The following KLF17 variants were observed in gnomAD, a reference collection of about 807,000 sequenced individuals.
The protein encoded by KLF17 is Krueppel-like factor 17.
Under a neutral mutation model 34.2 loss-of-function variants are expected in KLF17, and 31 were observed. That is an observed-to-expected ratio of 0.91 (90% CI 0.68 to 1.22). KLF17 has a LOEUF of 1.22. Ranked by LOEUF, KLF17 falls within the 50% of genes most tolerant of loss-of-function variation. The pLI is 0.00. For synonymous variants in KLF17, 179 were observed against 186.7 expected, an observed-to-expected ratio of 0.96 and a Z score of 0.34; for missense variants, 478 against 505.2, an observed-to-expected ratio of 0.95 and a Z score of 0.52.
chr1:44,059,282 T>C, the KLF17 span, among the ~76,000 whole-genome samples: 10 of 152,198 alleles, frequency 6.6e-5, no homozygotes, highest in Non-Finnish European at 1.0e-4. Flanking sequence ...TTCTTTTCTG[T>C]TGCTTTAGCC....
At chr1:44,131,459 A>G (rs560753484) in intron 3 of KLF17, among the ~76,000 whole-genome samples, 1 of 152,318 alleles carries the variant, frequency 6.6e-6, no homozygotes, top group East Asian at 1.9e-4. Flanking sequence ...CTTAATATCC[A>G]TGTGACCTTG....
chr1:44,080,567 A>G, the KLF17 span, among the ~76,000 whole-genome samples: 17 of 152,130 alleles, frequency 1.1e-4, no homozygotes, highest in Non-Finnish European at 2.4e-4. Flanking sequence ...CGTATTTTAC[A>G]ATAAGTCTTG....
chr1:44,075,008 A>G, the KLF17 span: 190 of 152,042 alleles, frequency 1.2e-3, no homozygotes, highest in African/African-American at 4.3e-3. Flanking sequence ...AGGAATTATC[A>G]AGGTGGGGTG....
the KLF17 span, among the ~76,000 whole-genome samples, chr1:44,080,434 T>G: frequency 5.9e-5 from 9 of 151,544 alleles, no homozygotes; most frequent in African/African-American, 1.9e-4. Flanking sequence ...GAGACGGGGT[T>G]TCACCATGTT....
chr1:44,066,905 C>A, the KLF17 span, among the ~76,000 whole-genome samples: 1 of 152,040 alleles, frequency 6.6e-6, no homozygotes, highest in African/African-American at 2.4e-5. Context: ...AGCAATAAAG[C>A]AAGTCTTGAA....
At chr1:44,122,350 G>A in intron 1 of KLF17, 1 of 1,607,132 alleles carries the variant, frequency 6.2e-7, no homozygotes, top group Non-Finnish European at 8.5e-7. Context: ...AGCGTTTCCA[G>A]CTGTACAGGT....
chr1:44,089,823 C>T, the KLF17 span, among the ~76,000 whole-genome samples: 1 of 152,032 alleles, frequency 6.6e-6, no homozygotes, highest in African/African-American at 2.4e-5. Context: ...TTAGTTCATG[C>T]ATTGTATGAG....
rs151083026 is a variant in KLF17, at chr1:44,122,430, G to C, written c.81+3442G>C. ...CATGCTGACATCCACACCTGTGACTGTTCCATGGACCTGTGTTCTGTTCTT... is the reference window on the plus strand; with the variant it reads ...CATGCTGACATCCACACCTGTGACTCTTCCATGGACCTGTGTTCTGTTCTT... On this transcript the variant is annotated intron_variant, in intron 1 of 3. Coordinates refer to ENST00000372299, the MANE Select transcript of KLF17 (RefSeq NM_173484.4). 8.2e-4 allele frequency: 1,173 copies of C among 1,435,092 alleles called. 9 individuals are homozygous for C. The African/African-American group carries it at 0.013, about 16-fold the overall frequency. 88.9% of individuals were successfully genotyped at this position (1,435,092 alleles called of 1,614,324 possible).
chr1:44,069,505 AG>A, the KLF17 span, among the ~76,000 whole-genome samples: 1 of 141,580 alleles, frequency 7.1e-6, no homozygotes, highest in Non-Finnish European at 1.5e-5. The surrounding 1 kb of genome is among the most constrained non-coding windows in gnomAD (Gnocchi z 4.7). Context: ...AGAGAGAGAG[AG>A]AGAGAGAAGA....
chr1:44,075,816 T>C, the KLF17 span, among the ~76,000 whole-genome samples: 2 of 152,226 alleles, frequency 1.3e-5, no homozygotes, highest in South Asian at 4.1e-4. Context: ...ACCTCTACTT[T>C]TTGTCTACAA....
the KLF17 span, among the ~76,000 whole-genome samples, chr1:44,099,902 AAAGAAAGAAAG>A: frequency 8.0e-4 from 52 of 65,098 alleles, 3 homozygotes; most frequent in African/African-American, 2.5e-3. Context: ...AGAAAGAAAG[AAAGAAAGAAAG>A]AAAGAAAAGA....
chr1:44,049,122 A>C, the KLF17 span, among the ~76,000 whole-genome samples: 1 of 152,154 alleles, frequency 6.6e-6, no homozygotes, highest in Non-Finnish European at 1.5e-5. Flanking sequence ...TGGCTTGTAG[A>C]TGACTGCCTT....
chr1:44,059,131 G>A, the KLF17 span, among the ~76,000 whole-genome samples: 1 of 152,234 alleles, frequency 6.6e-6, no homozygotes, highest in South Asian at 2.1e-4. Flanking sequence ...ACAAAAGGAG[G>A]CCCCTGTGAC....
intron 1 of KLF17, among the ~76,000 whole-genome samples, chr1:44,128,576 C>T (rs1474082435): frequency 6.6e-6 from 1 of 152,164 alleles, no homozygotes; most frequent in Non-Finnish European, 1.5e-5. Context: ...CCACTCAGGG[C>T]AGACGCTGTA....
the KLF17 span, among the ~76,000 whole-genome samples, chr1:44,059,092 G>A: frequency 6.6e-6 from 1 of 152,120 alleles, no homozygotes; most frequent in Non-Finnish European, 1.5e-5. Context: ...CCCCTGTCCA[G>A]GTTAAACCTG....
chr1:44,069,507 AG>A, the KLF17 span, among the ~76,000 whole-genome samples: 2 of 141,708 alleles, frequency 1.4e-5, no homozygotes, highest in South Asian at 2.2e-4. The surrounding 1 kb of genome is among the most constrained non-coding windows in gnomAD (Gnocchi z 4.7). Context: ...AGAGAGAGAG[AG>A]AGAGAAGACA....
chr1:44,127,984 G>A (rs1557732281), intron 1 of KLF17, among the ~76,000 whole-genome samples: 1 of 150,726 alleles, frequency 6.6e-6, no homozygotes, highest in Non-Finnish European at 1.5e-5. Flanking sequence ...TTCTTTTCTG[G>A]ACCATCCCAA....
chr1:44,083,503 A>C, the KLF17 span, among the ~76,000 whole-genome samples: 1 of 152,116 alleles, frequency 6.6e-6, no homozygotes, highest in African/African-American at 2.4e-5. Context: ...AAGCTCATGA[A>C]ATAGGCACAA....
the KLF17 span, among the ~76,000 whole-genome samples, chr1:44,048,730 C>A: frequency 6.6e-6 from 1 of 152,038 alleles, no homozygotes; most frequent in African/African-American, 2.4e-5. Flanking sequence ...GTTTGACTGG[C>A]CACAGTGTAA....
Sources: allele counts gnomAD v4.1 joint callset (sites outside exome capture counted in the v4.1 genomes callset), GRCh38; gene constraint gnomAD v4.1.1; non-coding constraint Gnocchi (gnomAD v3.1); transcripts MANE v1.5; gene names NCBI Gene and HGNC (gene_info 2026-07-23, HGNC 2026-07-21).